ZNF875: variants seen among roughly 807,000 people sequenced by gnomAD.
ZNF875 encodes zinc finger protein 875.
Under a neutral mutation model 11.2 loss-of-function variants are expected in ZNF875, and 14 were observed. The ratio of observed to expected loss-of-function variants is 1.26; its 90% CI spans 0.83 to 1.96. The LOEUF (loss-of-function observed/expected upper bound fraction) is 1.96. Ranked by LOEUF, ZNF875 falls within the 30% of genes most tolerant of loss-of-function variation. The probability of loss-of-function intolerance (pLI) is 0.00; values close to 1 mark genes in which losing one functional copy is unlikely to be tolerated. For synonymous variants in ZNF875, 301 were observed against 281.1 expected (o/e 1.07, Z -0.71); for missense variants, 752 against 760.4 (o/e 0.99, Z 0.13).
intron 1 of ZNF875, among the ~76,000 whole-genome samples, chr19:37,320,813 A>G (rs2031265651): frequency 6.6e-6 from 1 of 152,154 alleles, no homozygotes; most frequent in Non-Finnish European, 1.5e-5. Flanking sequence ...GAGGGATCAG[A>G]CTGTTACTGT....
chr19:37,328,133 G>C (rs914636660), intron 4 of ZNF875, among the ~76,000 whole-genome samples: 2 of 152,122 alleles, frequency 1.3e-5, no homozygotes, highest in Non-Finnish European at 2.9e-5. Context: ...CCAGCTATTT[G>C]GGAGACTGAG....
At chr19:37,330,842 A>G (rs1434995506), upstream of ZNF875, among the ~76,000 whole-genome samples, 6 of 152,016 alleles carry the variant, frequency 3.9e-5, no homozygotes. Context: ...TTTTGTGATC[A>G]TTGTTACTTA....
upstream of ZNF875, among the ~76,000 whole-genome samples, chr19:37,331,311 C>T (rs898253186): frequency 2.9e-5 from 4 of 136,552 alleles, no homozygotes; most frequent in Non-Finnish European, 6.1e-5. Flanking sequence ...CTCACTGCAA[C>T]TTCTGCCTCC....
intron 4 of ZNF875, among the ~76,000 whole-genome samples, chr19:37,348,886 G>A (rs1329288626): frequency 6.6e-6 from 1 of 152,192 alleles, no homozygotes; most frequent in African/African-American, 2.4e-5. Context: ...TGTTGTATTA[G>A]TGTTCTAGGG....
upstream of ZNF875, chr19:37,334,605 G>C (rs1388808580): frequency 2.3e-6 from 1 of 443,176 alleles, no homozygotes; most frequent in South Asian, 1.6e-5. Flanking sequence ...GGTCACTTCC[G>C]CTCCCCTCCC....
intron 2 of ZNF875, among the ~76,000 whole-genome samples, chr19:37,336,823 G>C (rs1193746926): frequency 6.6e-6 from 1 of 151,800 alleles, no homozygotes; most frequent in Non-Finnish European, 1.5e-5. Flanking sequence ...CAGGAGAATC[G>C]CTTGAACCTG....
intron 4 of ZNF875, chr19:37,359,894 C>T (rs1229630116): frequency 6.6e-6 from 1 of 152,086 alleles, no homozygotes; most frequent in African/African-American, 2.4e-5. Context: ...TTCATTTTCT[C>T]AATGGTGTCA....
At chr19:37,342,409 A>ATTTTT (rs66638698) in intron 2 of ZNF875, among the ~76,000 whole-genome samples, 2 of 135,736 alleles carry the variant, frequency 1.5e-5, no homozygotes, top group African/African-American at 2.8e-5. Context: ...ATCCAACTGA[A>ATTTTT]TTTTTTTTTT....
At chr19:37,355,741 C>A (rs2038792007) in intron 4 of ZNF875, among the ~76,000 whole-genome samples, 1 of 152,086 alleles carries the variant, frequency 6.6e-6, no homozygotes, top group South Asian at 2.1e-4. Context: ...ATTATTATTT[C>A]AATAATCTTT....
chr19:37,313,190 G>C (rs984293712), upstream of ZNF875: 1 of 150,400 alleles, frequency 6.6e-6, no homozygotes, highest in Non-Finnish European at 1.5e-5. Context: ...AAAGCCAAAA[G>C]AAAAAGACAA....
chr19:37,319,788 T>C (rs1232047978), intron 1 of ZNF875, among the ~76,000 whole-genome samples: 1 of 152,164 alleles, frequency 6.6e-6, no homozygotes, highest in Admixed American at 6.5e-5. Flanking sequence ...ACCATTTTTT[T>C]CCTCTCTCTC....
chr19:37,339,344 G>A lies in ZNF875; in HGVS notation c.33+4087G>A, dbSNP rs745872693. ...AATTTCCATAGTAATCCATTGAATG[G>A]ATGAACTCATCCATTGTTTCCCAAT... On this transcript the variant is annotated intron_variant, in intron 2 of 4. Transcript: ENST00000392153. Among the ~76,000 whole-genome samples the A allele has an allele frequency of 2.4e-4, 36 of 152,038 alleles. 1 individual carries two copies. Among genetic ancestry groups the A allele is most frequent in the Admixed American group, 6.5e-4 (10 of 15,272 alleles).
chr19:37,334,640 G>A (rs1350655942), upstream of ZNF875: 3 of 455,580 alleles, frequency 6.6e-6, no homozygotes, highest in East Asian at 1.4e-4. Flanking sequence ...TAGCGTTGAC[G>A]TCAGAAACAC....
intron 3 of ZNF875, chr19:37,347,576 T>G (rs1198184459): frequency 2.5e-5 from 15 of 607,362 alleles, no homozygotes; most frequent in Non-Finnish European, 4.4e-5. Context: ...CCCAGGAAAT[T>G]TTTCATACAC....
At chr19:37,353,164 G>A (rs1470348231) in intron 4 of ZNF875, among the ~76,000 whole-genome samples, 2 of 152,116 alleles carry the variant, frequency 1.3e-5, no homozygotes, top group Non-Finnish European at 2.9e-5. Flanking sequence ...GTGAGCCACC[G>A]CGCCCGGCTC....
At chr19:37,320,097 G>C (rs770099250) in intron 1 of ZNF875, among the ~76,000 whole-genome samples, 3 of 151,878 alleles carry the variant, frequency 2.0e-5, no homozygotes, top group African/African-American at 7.3e-5. Flanking sequence ...CCGTGGTCTC[G>C]ATCTCCTGAC....
chr19:37,314,560 C>T (rs2030101093), upstream of ZNF875, among the ~76,000 whole-genome samples: 2 of 152,124 alleles, frequency 1.3e-5, no homozygotes, highest in Admixed American at 1.3e-4. Flanking sequence ...TATGGTGGCT[C>T]ATGCCTGCAA....
At chr19:37,354,992 T>G (rs1386089738) in intron 4 of ZNF875, among the ~76,000 whole-genome samples, 2 of 152,168 alleles carry the variant, frequency 1.3e-5, no homozygotes, top group African/African-American at 2.4e-5. Flanking sequence ...CAAAACAGAT[T>G]AAGACATATG....
intron 4 of ZNF875, among the ~76,000 whole-genome samples, chr19:37,353,799 A>G (rs1385858507): frequency 6.6e-6 from 1 of 152,146 alleles, no homozygotes; most frequent in Non-Finnish European, 1.5e-5. Context: ...GCTGTCTTCA[A>G]GATTTTCTCG....
Sources: allele counts gnomAD v4.1 joint callset (sites outside exome capture counted in the v4.1 genomes callset), GRCh38; gene constraint gnomAD v4.1.1; transcripts MANE v1.5; gene names NCBI Gene and HGNC (gene_info 2026-07-23, HGNC 2026-07-21).